Variants in TTC4 observed in about 807,000 individuals in gnomAD.
TTC4 encodes tetratricopeptide repeat domain 4.
In TTC4, 36 loss-of-function variants were observed where a neutral mutation model predicts 51.9. That is an observed-to-expected ratio of 0.69 (90% CI 0.53 to 0.92). The LOEUF (loss-of-function observed/expected upper bound fraction) is 0.92. Among genes scored for constraint, TTC4 ranks in the 40% least tolerant of loss-of-function variants. The pLI is 0.00. For missense variants in TTC4, 399 were observed against 454.6 expected, an observed-to-expected ratio of 0.88 and a Z score of 1.11; for synonymous variants, 144 against 164.2, an observed-to-expected ratio of 0.88 and a Z score of 0.94.
chr1:54,733,085 CTT>C (rs1212088370), intron 7 of TTC4, among the ~76,000 whole-genome samples: 2 of 147,726 alleles, frequency 1.4e-5, no homozygotes, highest in African/African-American at 2.6e-5. Flanking sequence ...CAGAGCAAGA[CTT>C]TGTCTCAAAA....
chr1:54,733,810 A>G lies in TTC4; in HGVS notation c.978+100A>G. ...AGCAGTCTGCTTTATTTTTTTGAAA[A>G]TTATAGTAAAATATACATGACATAA... On this transcript the variant is annotated intron_variant, in intron 8 of 9. Coordinates refer to ENST00000371281, the MANE Select transcript of TTC4 (RefSeq NM_004623.5). 5.1e-6 allele frequency: 4 copies of G among 786,806 alleles called. No homozygotes were observed. In the East Asian group the frequency reaches 1.1e-4, roughly 21 times the overall value. The allele number at this position is 786,806 out of a possible 1,614,324, so 48.7% of individuals were successfully genotyped here. A position where few individuals can be genotyped will look rare whatever the true frequency, so the allele number is the denominator to read the frequency against.
chr1:54,718,776 G>A (rs1645707035), intron 3 of TTC4, among the ~76,000 whole-genome samples: 3 of 151,752 alleles, frequency 2.0e-5, no homozygotes, highest in Admixed American at 2.0e-4. Context: ...TTAGACCTGT[G>A]GGTTTTTTTT....
Position 54,732,325 on chromosome 1 carries a change from AAAAAAAAAAAT to A in TTC4, c.896+632_896+642del, listed in dbSNP as rs1282899256. 7.9e-4 allele frequency among the ~76,000 whole-genome samples: 112 copies of A among 142,668 alleles called. 2 individuals are homozygous for A. Among genetic ancestry groups the A allele is most frequent in the African/African-American group, 2.9e-3 (111 of 38,702 alleles). The allele number at this position is 142,668 out of a possible 152,430, so 93.6% of individuals were successfully genotyped here. A position where few individuals can be genotyped will look rare whatever the true frequency, so the allele number is the denominator to read the frequency against. Reference sequence around the variant, plus strand: ...GACAAAGCAAGACTCTGTCTCAAAAAAAAAAAAAAATAAAAAAGAGATATATGTATGTCTTT... The same window carrying A: ...GACAAAGCAAGACTCTGTCTCAAAAAAAAAAAGAGATATATGTATGTCTTT... On this transcript the variant is annotated intron_variant, in intron 7 of 9. Coordinates refer to ENST00000371281, the MANE Select transcript of TTC4 (RefSeq NM_004623.5).
chr1:54,736,140 A>C lies in TTC4; in HGVS notation c.979-1442A>C, dbSNP rs1645929100. 2.0e-5 allele frequency among the ~76,000 whole-genome samples: 3 copies of C among 146,344 alleles called. 1 individual carries two copies. Among genetic ancestry groups the C allele is most frequent in the African/African-American group, 7.9e-5 (3 of 38,210 alleles). On this transcript the variant is annotated intron_variant, in intron 8 of 9. Transcript: ENST00000371281. ...ACTGCCTCAATGCCTTCTCAGTGCC[A>C]CAGCTTGGGGGAGAAAGAGAGAGAA...
At chr1:54,737,059 C>T (rs1645954567) in intron 8 of TTC4, 1 of 154,112 alleles carries the variant, frequency 6.5e-6, no homozygotes, top group Non-Finnish European at 1.4e-5. Flanking sequence ...AGCACTTCTT[C>T]CCCTGCTCAG....
intron 9 of TTC4, among the ~76,000 whole-genome samples, chr1:54,739,178 A>AT (rs1170776073): frequency 1.3e-5 from 2 of 150,814 alleles, no homozygotes; most frequent in Non-Finnish European, 3.0e-5. Context: ...AGCCCCTAAA[A>AT]TTTTTTTTTA....
intron 9 of TTC4, among the ~76,000 whole-genome samples, chr1:54,740,904 C>G (rs1012414804): frequency 5.3e-5 from 8 of 152,168 alleles, no homozygotes; most frequent in African/African-American, 1.9e-4. Context: ...TCAGACATGG[C>G]ATCTTCCAGG....
intron 6 of TTC4, among the ~76,000 whole-genome samples, chr1:54,730,966 C>T (rs1645858567): frequency 6.6e-6 from 1 of 152,098 alleles, no homozygotes; most frequent in East Asian, 1.9e-4. Context: ...TTAATTATTC[C>T]ATCGTCTATG....
In TTC4 at chr1:54,742,211, A is replaced by G. The variant is rs1329613801; in HGVS notation, c.*698A>G. ...TGACATTTAGGATTTTGTGTCTTTT[A>G]AACTGGAAAATCTTCTAGCATGTTG... On this transcript the variant is annotated 3_prime_UTR_variant, in exon 10 of 10. Coordinates refer to ENST00000371281, the MANE Select transcript of TTC4 (RefSeq NM_004623.5). 2 of 152,236 alleles carry G rather than the reference A, an allele frequency of 1.3e-5. No individual in the cohort carries two copies. The highest frequency in any genetic ancestry group is 2.9e-5 in the Non-Finnish European group (2 of 68,092). 9.4% of individuals were successfully genotyped at this position (152,236 alleles called of 1,614,324 possible). A position where few individuals can be genotyped will look rare whatever the true frequency, so the allele number is the denominator to read the frequency against.
At chr1:54,741,330 C>T in intron 9 of TTC4, 81 bp from the exon 10 acceptor site, 1 of 1,186,204 alleles carries the variant, frequency 8.4e-7, no homozygotes, top group Non-Finnish European at 1.3e-6. Context: ...AGAGGCTCAC[C>T]TTGCATGTTG....
intron 6 of TTC4, among the ~76,000 whole-genome samples, chr1:54,729,704 T>C (rs890510435): frequency 5.9e-5 from 9 of 151,900 alleles, no homozygotes; most frequent in South Asian, 4.2e-4. Context: ...GGAGAGAATA[T>C]CTGCTGGGAG....
At chr1:54,716,812 G>A (rs1056473317) in intron 2 of TTC4, 95 bp downstream of exon 2, 2 of 981,794 alleles carry the variant, frequency 2.0e-6, no homozygotes, top group Admixed American at 2.4e-5. Context: ...GAAGTAGTTA[G>A]CCTGAGCTAA....
intron 5 of TTC4, among the ~76,000 whole-genome samples, chr1:54,725,016 T>C (rs1645783447): frequency 6.6e-6 from 1 of 152,214 alleles, no homozygotes; most frequent in African/African-American, 2.4e-5. Context: ...AGTTCCACAG[T>C]AGCCTTGAAA....
chr1:54,717,646 C>A lies in TTC4; in HGVS notation c.384C>A (p.Tyr128Ter). 1 of 1,557,820 alleles carries A rather than the reference C, an allele frequency of 6.4e-7. No homozygotes were observed. The highest frequency in any genetic ancestry group is 8.6e-7 in the Non-Finnish European group (1 of 1,156,330). ...ATACCAACCGGGCAGCAGCACAGTA[C>A]TATCTGGGTAATTTATAAGTGCTTT... Reference protein sequence around the residue: ...VLYTNRAAAQYYLGNFRSALN... With the variant: ...VLYTNRAAAQ Residue 128 changes from tyrosine (Y) to a stop codon, truncating the protein, a stop_gained, in exon 3 of 10, where the codon TAC becomes TAA. Transcript: ENST00000371281. LOFTEE classifies it high-confidence loss of function.
At chr1:54,723,618 T>C (rs1172740428) in intron 5 of TTC4, among the ~76,000 whole-genome samples, 1 of 152,238 alleles carries the variant, frequency 6.6e-6, no homozygotes, top group Non-Finnish European at 1.5e-5. Context: ...ATGACAGTTA[T>C]GTGACTTGGA....
At position 54,721,149 on chromosome 1, in the gene TTC4, C is replaced by T. The variant is rs376381351; in HGVS notation, c.392-14C>T. ...CTCAAAACTTCTCTCTTTTACTAAACGGTGTTTTGTTAGGCAATTTTCGTT... is the reference window on the plus strand; with the variant it reads ...CTCAAAACTTCTCTCTTTTACTAAATGGTGTTTTGTTAGGCAATTTTCGTT... On this transcript the variant is annotated splice_polypyrimidine_tract_variant and intron_variant, in intron 3 of 9. Coordinates refer to ENST00000371281, the MANE Select transcript of TTC4 (RefSeq NM_004623.5). 8.1e-6 allele frequency: 13 copies of T among 1,612,192 alleles called. No homozygotes were observed. The highest frequency in any genetic ancestry group is 1.6e-4 in the Middle Eastern group (1 of 6,070).
At position 54,737,627 on chromosome 1, in the gene TTC4, G is replaced by C. The variant is rs1272094261; in HGVS notation, c.1024G>C (p.Ala342Pro). 6.2e-7 allele frequency: 1 copy of C among 1,613,340 alleles called. No individual in the cohort carries two copies. The highest frequency in any genetic ancestry group is 8.5e-7 in the Non-Finnish European group (1 of 1,180,010). ...CAGGGCAGAACTATACCGGGTGCCT[G>C]CCAAGAGCACCTTGCTACAGGTTCT... is the stretch of plus-strand genomic sequence containing the variant. ...EDRAELYRVP[A>P]KSTLLQVLQH... The change falls in exon 9 of 10, where the codon GCC becomes CCC. Residue 342 changes from alanine to proline, a missense_variant. By Grantham distance (27) the Ala-to-Pro change is conservative. This residue lies in a region of TTC4 where 64 missense variants were observed against 61.3 expected (regional missense o/e 1.04). Transcript: ENST00000371281.
At chr1:54,722,842 G>T (rs1350077882) in intron 5 of TTC4, 43 bp downstream of exon 5, 4 of 1,557,412 alleles carry the variant, frequency 2.6e-6, no homozygotes, top group Non-Finnish European at 8.6e-7. Flanking sequence ...CTAATTAGCA[G>T]TAATTAGCAT....
At chr1:54,741,314 C>A in intron 9 of TTC4, 97 bp from the exon 10 acceptor site, 1 of 1,021,238 alleles carries the variant, frequency 9.8e-7, no homozygotes, top group Non-Finnish European at 1.6e-6. Flanking sequence ...ATGTTGACTC[C>A]CATCCAGAGG....
Sources: allele counts gnomAD v4.1 joint callset (sites outside exome capture counted in the v4.1 genomes callset), GRCh38; gene constraint gnomAD v4.1.1; regional missense constraint gnomAD v4.1.1; transcripts MANE v1.5; gene names NCBI Gene and HGNC (gene_info 2026-07-23, HGNC 2026-07-21).